The following CERK variants were observed in gnomAD, a reference collection of about 807,000 sequenced individuals.
CERK encodes ceramide kinase, also known as acylsphingosine kinase.
CERK carries 39 observed loss-of-function variants against 63.4 expected under a neutral mutation model. That is an observed-to-expected ratio of 0.61 (90% CI 0.48 to 0.80). The LOEUF is 0.80. CERK is among the 30% of genes least tolerant of loss of function. CERK has a pLI of 0.00. For synonymous variants in CERK, 302 were observed against 280.0 expected (o/e 1.08, Z -0.78); for missense variants, 670 against 714.1 (o/e 0.94, Z 0.70).
chr22:46,732,962 A>T (rs988717105), intron 1 of CERK, among the ~76,000 whole-genome samples: 1 of 152,022 alleles, frequency 6.6e-6, no homozygotes, highest in Admixed American at 6.6e-5. Flanking sequence ...TAATCCCAGC[A>T]CTTAAGGAGG....
At chr22:46,703,136 A>G (rs2082795915) in intron 6 of CERK, among the ~76,000 whole-genome samples, 1 of 152,290 alleles carries the variant, frequency 6.6e-6, no homozygotes, top group Admixed American at 6.5e-5. Context: ...GGACCGAATG[A>G]ATGACGATCT....
intron 10 of CERK, among the ~76,000 whole-genome samples, chr22:46,692,027 T>C (rs766114832): frequency 3.3e-5 from 5 of 152,224 alleles, no homozygotes; most frequent in Non-Finnish European, 5.9e-5. Flanking sequence ...TGGTGACTTT[T>C]GGACAATTTA....
chr22:46,691,102 TCTCA>T (rs1233306538), intron 11 of CERK, among the ~76,000 whole-genome samples: 3 of 145,948 alleles, frequency 2.1e-5, no homozygotes, highest in East Asian at 2.0e-4. Flanking sequence ...TGAGATGGAG[TCTCA>T]CTCTGTCACC....
At chr22:46,698,293 C>G (rs1237628049) in intron 8 of CERK, among the ~76,000 whole-genome samples, 7 of 152,254 alleles carry the variant, frequency 4.6e-5, no homozygotes, top group Non-Finnish European at 1.5e-5. Flanking sequence ...CACTCCTCCT[C>G]CTCTGTGCCC....
chr22:46,733,877 A>C (rs1188551125), intron 1 of CERK, among the ~76,000 whole-genome samples: 1 of 151,690 alleles, frequency 6.6e-6, no homozygotes, highest in Non-Finnish European at 1.5e-5. Flanking sequence ...CCCTGTCTCT[A>C]CTAAAAATAC....
rs771657290 is a variant in CERK at position 46,720,966 on chromosome 22, G to T, written c.192C>A (p.Asp64Glu). The change falls in exon 2 of 13, where the codon GAC (aspartate) becomes GAA (glutamate). Residue 64 changes from aspartate to glutamate, a missense_variant. By Grantham distance (45) the Asp-to-Glu change is conservative. Coordinates refer to ENST00000216264, the MANE Select transcript of CERK (RefSeq NM_022766.6). ...CACTGCCTTGATGTTTCCCGTGAACGTCTGTTTCCTCAACGGCGATGATCT... is the reference window on the plus strand; with the variant it reads ...CACTGCCTTGATGTTTCCCGTGAACTTCTGTTTCCTCAACGGCGATGATCT... ...VSEIIAVEET[D>E]VHGKHQGSGK... The T allele has an allele frequency of 1.2e-6, 2 of 1,613,664 alleles. No homozygotes were observed. The highest frequency in any genetic ancestry group is 8.5e-7 in the Non-Finnish European group (1 of 1,179,708).
chr22:46,720,989 T>A lies in CERK; in HGVS notation c.169A>T (p.Ile57Phe), dbSNP rs372326503. The stretch of plus-strand genomic sequence containing the variant: ...ACGTCTGTTTCCTCAACGGCGATGA[T>A]CTCAGATACAGGCACAGAGCAGGCA... ...ADACSVPVSE[I>F]IAVEETDVHG... Residue 57 changes from isoleucine (I) to phenylalanine (F), a missense_variant, in exon 2 of 13, where the codon ATC becomes TTC. Ile to Phe is a conservative substitution (Grantham distance 21). Coordinates refer to ENST00000216264, the MANE Select transcript of CERK (RefSeq NM_022766.6). 1.9e-6 allele frequency: 3 copies of A among 1,613,438 alleles called. No homozygotes were observed. Among genetic ancestry groups the A allele is most frequent in the African/African-American group, 2.7e-5 (2 of 74,908 alleles).
At chr22:46,736,893 G>A (rs550543898) in intron 1 of CERK, among the ~76,000 whole-genome samples, 1 of 152,260 alleles carries the variant, frequency 6.6e-6, no homozygotes, top group South Asian at 2.1e-4. Flanking sequence ...TGTCATCCCA[G>A]GCTCCGAATA....
intron 1 of CERK, chr22:46,735,384 C>G (rs771941485): frequency 2.6e-5 from 4 of 152,248 alleles, no homozygotes; most frequent in Non-Finnish European, 5.9e-5. Context: ...GTCACTGTCC[C>G]AGCATGATGA....
At chr22:46,720,365 GA>G (rs1388500686) in intron 2 of CERK, among the ~76,000 whole-genome samples, 157 bp from the exon 3 acceptor site, 7 of 152,082 alleles carry the variant, frequency 4.6e-5, no homozygotes, top group African/African-American at 1.4e-4. Flanking sequence ...AGGTATATTA[GA>G]AAAAAACATC....
chr22:46,686,744 A>G lies in CERK; in HGVS notation c.*390T>C, dbSNP rs1341659924. On this transcript the variant is annotated 3_prime_UTR_variant, in exon 13 of 13. Coordinates refer to ENST00000216264, the MANE Select transcript of CERK (RefSeq NM_022766.6). ...AGAATAAGTCCTGCAAAGTGGATCA[A>G]AGTGACCCACTGCTACCTCAGGCCC... is the stretch of plus-strand genomic sequence containing the variant. The G allele has an allele frequency of 2.8e-5, 6 of 213,154 alleles. No homozygotes were observed. The highest frequency in any genetic ancestry group is 4.8e-5 in the Non-Finnish European group (5 of 103,378). 13.2% of individuals were successfully genotyped at this position (213,154 alleles called of 1,614,324 possible).
chr22:46,710,603 A>C (rs1179891382), intron 5 of CERK, among the ~76,000 whole-genome samples: 2 of 152,166 alleles, frequency 1.3e-5, no homozygotes, highest in Non-Finnish European at 1.5e-5. Flanking sequence ...ATGCTATCCT[A>C]AGAGCAAAAA....
At chr22:46,687,525 C>T (rs768494195) in intron 12 of CERK, among the ~76,000 whole-genome samples, 5 of 152,242 alleles carry the variant, frequency 3.3e-5, no homozygotes, top group South Asian at 4.1e-4. Context: ...AGACCTGACT[C>T]GAACTCCAGC....
At chr22:46,715,557 G>T (rs115166850) in intron 3 of CERK, among the ~76,000 whole-genome samples, 327 of 152,270 alleles carry the variant, frequency 2.1e-3, no homozygotes, top group Non-Finnish European at 3.7e-3. Context: ...ACAGTGGTTC[G>T]TGCCTGTAGT....
intron 4 of CERK, 67 bp downstream of exon 4, chr22:46,712,101 G>T: frequency 6.4e-7 from 1 of 1,571,118 alleles, no homozygotes. Flanking sequence ...AAGCAGAAAC[G>T]TCTCTAGTGA....
intron 6 of CERK, 64 bp from the exon 7 acceptor site, chr22:46,701,774 T>C: frequency 8.3e-7 from 1 of 1,203,628 alleles, no homozygotes. Context: ...CGCCTCCCAA[T>C]TCAGTGAGTG....
chr22:46,729,469 T>C lies in CERK; in HGVS notation c.143-8454A>G, dbSNP rs541945606. ...TGTCACTCAGGATGGAGTACAGTGGTACAATCATGGAACACCGTAACCTCG... is the reference window on the plus strand; with the variant it reads ...TGTCACTCAGGATGGAGTACAGTGGCACAATCATGGAACACCGTAACCTCG... On this transcript the variant is annotated intron_variant, in intron 1 of 12. Coordinates refer to ENST00000216264, the MANE Select transcript of CERK (RefSeq NM_022766.6). Among the ~76,000 whole-genome samples, 17 of 152,212 alleles carry C rather than the reference T, an allele frequency of 1.1e-4. No homozygotes were observed. The East Asian group carries it at 3.1e-3, about 28-fold the overall frequency.
At chr22:46,715,431 T>C (rs1391940949) in intron 3 of CERK, among the ~76,000 whole-genome samples, 1 of 152,198 alleles carries the variant, frequency 6.6e-6, no homozygotes. Context: ...TCTATCACAT[T>C]TCTATACACA....
intron 6 of CERK, among the ~76,000 whole-genome samples, 194 bp from the exon 7 acceptor site, chr22:46,701,904 C>T (rs1416279909): frequency 4.6e-5 from 7 of 152,184 alleles, no homozygotes; most frequent in Non-Finnish European, 1.0e-4. Flanking sequence ...GAGATTGGGC[C>T]GGGCGGTGGC....
Sources: gnomAD v4.1 joint callset for allele counts (sites outside exome capture counted in the v4.1 genomes callset) on GRCh38, gnomAD v4.1.1 for gene constraint, MANE v1.5 for transcripts, NCBI Gene and HGNC (gene_info 2026-07-23, HGNC 2026-07-21) for gene names.